The following HMCN1 variants were observed in gnomAD, a reference collection of about 807,000 sequenced individuals.
The protein encoded by HMCN1 is hemicentin 1, also known as hemicentin-1.
In HMCN1, 321 loss-of-function variants were observed where a neutral mutation model predicts 625.9. The ratio of observed to expected loss-of-function variants is 0.51; its 90% confidence interval spans 0.47 to 0.56. The LOEUF (loss-of-function observed/expected upper bound fraction) is 0.56. Ranked by LOEUF, HMCN1 falls within the 20% of genes least tolerant of loss-of-function variation. The probability of loss-of-function intolerance (pLI) is 0.00; values close to 1 mark genes in which losing one functional copy is unlikely to be tolerated. For missense variants in HMCN1, 6,588 were observed against 6,887.3 expected, an observed-to-expected ratio of 0.96 and a Z score of 1.54; for synonymous variants, 2,425 against 2,417.6, an observed-to-expected ratio of 1.00 and a Z score of -0.09.
chr1:185,906,517 A>G (rs1666102962), intron 4 of HMCN1, among the ~76,000 whole-genome samples: 1 of 151,862 alleles, frequency 6.6e-6, no homozygotes, highest in Admixed American at 6.6e-5. Flanking sequence ...ATGAATACTC[A>G]AGACTTGGAG....
intron 41 of HMCN1, among the ~76,000 whole-genome samples, chr1:186,047,399 T>A (rs1656648292): frequency 6.6e-6 from 1 of 152,108 alleles, no homozygotes; most frequent in South Asian, 2.1e-4. Context: ...CAAATCTCAG[T>A]GAGTACAGAA....
chr1:186,012,237 T>G (rs1035174952), intron 30 of HMCN1, among the ~76,000 whole-genome samples: 18 of 152,062 alleles, frequency 1.2e-4, no homozygotes, highest in African/African-American at 4.1e-4. Flanking sequence ...TTTTTTTTTT[T>G]GCTTCAACGT....
chr1:185,956,506 C>T (rs572079464), intron 11 of HMCN1, among the ~76,000 whole-genome samples: 60 of 152,304 alleles, frequency 3.9e-4, no homozygotes, highest in South Asian at 3.1e-3. Context: ...GATGAACAGC[C>T]ATAGGGTGAG....
intron 85 of HMCN1, 25 bp downstream of exon 85, chr1:186,130,722 G>C: frequency 4.4e-6 from 7 of 1,606,298 alleles, no homozygotes; most frequent in Non-Finnish European, 6.0e-6. Flanking sequence ...AATGATTGAT[G>C]CACCTTTAAA....
At chr1:185,895,973 T>C (rs1665465686) in intron 4 of HMCN1, among the ~76,000 whole-genome samples, 1 of 151,998 alleles carries the variant, frequency 6.6e-6, no homozygotes, top group Non-Finnish European at 1.5e-5. Context: ...AGTCTCTCTG[T>C]CGCACAGGCT....
chr1:185,928,782 T>C, intron 10 of HMCN1, 115 bp downstream of exon 10: 2 of 1,148,128 alleles, frequency 1.7e-6, no homozygotes, highest in South Asian at 2.5e-5. Flanking sequence ...TTTATTATTG[T>C]CTATCTCTCC....
intron 1 of HMCN1, among the ~76,000 whole-genome samples, chr1:185,738,622 G>A (rs1653759262): frequency 6.6e-6 from 1 of 152,144 alleles, no homozygotes; most frequent in Non-Finnish European, 1.5e-5. Flanking sequence ...TTAACTGTTT[G>A]AGAAACTGCC....
At chr1:185,738,337 G>A (rs1571923095) in intron 1 of HMCN1, among the ~76,000 whole-genome samples, 1 of 152,062 alleles carries the variant, frequency 6.6e-6, no homozygotes, top group Non-Finnish European at 1.5e-5. Context: ...TCAGTCCTAA[G>A]CAGCCACTAA....
At chr1:185,925,291 G>T in intron 9 of HMCN1, 100 bp downstream of exon 9, 1 of 1,195,944 alleles carries the variant, frequency 8.4e-7, no homozygotes, top group South Asian at 1.2e-5. Context: ...ATTCTCACTT[G>T]CTACATAGTC....
intron 1 of HMCN1, among the ~76,000 whole-genome samples, chr1:185,817,239 A>C (rs1439776268): frequency 6.6e-6 from 1 of 152,170 alleles, no homozygotes; most frequent in Non-Finnish European, 1.5e-5. Context: ...ATGATAAATA[A>C]AGTCATTCTA....
intron 29 of HMCN1, among the ~76,000 whole-genome samples, chr1:186,004,631 T>C (rs1653422041): frequency 6.6e-6 from 1 of 152,094 alleles, no homozygotes; most frequent in South Asian, 2.1e-4. Context: ...AGGTTTGAAA[T>C]TATCAAATGT....
chr1:185,854,323 G>C (rs1469096898), intron 2 of HMCN1, among the ~76,000 whole-genome samples: 1 of 152,100 alleles, frequency 6.6e-6, no homozygotes, highest in African/African-American at 2.4e-5. Context: ...GAATTGTGGA[G>C]TCCTAGTATT....
At chr1:185,751,872 C>T (rs1654838654) in intron 1 of HMCN1, among the ~76,000 whole-genome samples, 1 of 151,750 alleles carries the variant, frequency 6.6e-6, no homozygotes. Flanking sequence ...ATAATATTCT[C>T]TATATTACTA....
intron 36 of HMCN1, among the ~76,000 whole-genome samples, chr1:186,032,828 G>C (rs145127477): frequency 0.019 from 2,860 of 152,102 alleles, 86 homozygotes; most frequent in African/African-American, 0.06. Context: ...ATGTAAATTA[G>C]TACAACCACT....
intron 1 of HMCN1, among the ~76,000 whole-genome samples, chr1:185,842,730 TAA>T (rs35326717): frequency 1.4e-5 from 2 of 141,526 alleles, no homozygotes; most frequent in Admixed American, 7.1e-5. Context: ...GAGCCTGTCT[TAA>T]AAAAAAAAAA....
In HMCN1 at chr1:185,990,274, G is replaced by T; in HGVS notation, c.3209-1G>T. The stretch of plus-strand genomic sequence containing the variant: ...CCTTCCAAAACATGTGTTTATTTTA[G>T]TAAGGCCCAGAGTGTTTGGAGATCA... On this transcript the variant is annotated splice_acceptor_variant, in intron 21 of 106. Coordinates refer to ENST00000271588, the MANE Select transcript of HMCN1 (RefSeq NM_031935.3). LOFTEE classifies it high-confidence loss of function. The T allele has an allele frequency of 6.2e-7, 1 of 1,613,582 alleles. No homozygotes were observed. The highest frequency in any genetic ancestry group is 8.5e-7 in the Non-Finnish European group (1 of 1,179,566).
chr1:185,902,425 A>ATC (rs1290318479), intron 4 of HMCN1, among the ~76,000 whole-genome samples: 62 of 135,672 alleles, frequency 4.6e-4, no homozygotes, highest in African/African-American at 2.2e-3. Context: ...CTATCTATCT[A>ATC]TCTATCTATC....
At chr1:186,060,747 G>A (rs1443036647) in intron 46 of HMCN1, among the ~76,000 whole-genome samples, 2 of 152,080 alleles carry the variant, frequency 1.3e-5, no homozygotes, top group Non-Finnish European at 2.9e-5. Flanking sequence ...TTAGGTTGGT[G>A]CAAAAGTAAT....
intron 97 of HMCN1, among the ~76,000 whole-genome samples, chr1:186,163,326 T>G (rs1012026641): frequency 1.4e-4 from 22 of 152,200 alleles, no homozygotes; most frequent in Non-Finnish European, 3.1e-4. Context: ...TTTGTTTGAC[T>G]AGGAACGGGA....
Sources: gnomAD v4.1 joint callset for allele counts (sites outside exome capture counted in the v4.1 genomes callset) on GRCh38, gnomAD v4.1.1 for gene constraint, MANE v1.5 for transcripts, NCBI Gene and HGNC (gene_info 2026-07-23, HGNC 2026-07-21) for gene names.